Variants in CACNA1E observed in about 807,000 individuals in gnomAD.
CACNA1E encodes calcium voltage-gated channel subunit alpha1 E, also known as voltage-dependent R-type calcium channel subunit alpha-1E.
In CACNA1E, 40 loss-of-function variants were observed where a neutral mutation model predicts 259.2. The ratio of observed to expected loss-of-function variants is 0.15; its 90% CI spans 0.12 to 0.20. CACNA1E has a LOEUF of 0.20. Among genes scored for constraint, CACNA1E ranks in the 10% least tolerant of loss-of-function variants. The pLI is 1.00. For synonymous variants in CACNA1E, 1,104 were observed against 1,138.5 expected (o/e 0.97, Z 0.61); for missense variants, 1,874 against 3,040.1 (o/e 0.62, Z 9.02).
chr1:181,460,447 A>G (rs1026179346), intron 2 of CACNA1E, among the ~76,000 whole-genome samples: 1 of 152,230 alleles, frequency 6.6e-6, no homozygotes, highest in Non-Finnish European at 1.5e-5. Flanking sequence ...AACAGGACCC[A>G]CACCTTTGCA....
At chr1:181,633,078 G>A (rs370996194) in intron 6 of CACNA1E, among the ~76,000 whole-genome samples, 2 of 152,248 alleles carry the variant, frequency 1.3e-5, no homozygotes, top group East Asian at 3.9e-4. Context: ...GTCTTTCGAA[G>A]TGTGCTTTGG....
intron 3 of CACNA1E, among the ~76,000 whole-genome samples, chr1:181,515,986 G>C (rs932082952): frequency 6.6e-6 from 1 of 151,862 alleles, no homozygotes; most frequent in African/African-American, 2.4e-5. Flanking sequence ...CCTTGGCCTG[G>C]CTGAGCCAGG....
At chr1:181,471,673 G>C (rs558251596) in intron 2 of CACNA1E, among the ~76,000 whole-genome samples, 2 of 152,108 alleles carry the variant, frequency 1.3e-5, no homozygotes, top group African/African-American at 4.8e-5. Flanking sequence ...GCCAACTTCT[G>C]TGCGGCTCTT....
At chr1:181,493,315 C>A (rs1664474167) in intron 1 of CACNA1E, among the ~76,000 whole-genome samples, 3 of 152,142 alleles carry the variant, frequency 2.0e-5, no homozygotes, top group African/African-American at 4.8e-5. Flanking sequence ...TATGAAGGAA[C>A]TAGAGAGATA....
At chr1:181,741,784 G>T (rs775328834) in intron 25 of CACNA1E, among the ~76,000 whole-genome samples, 74 of 152,272 alleles carry the variant, frequency 4.9e-4, no homozygotes, top group Non-Finnish European at 7.4e-4. Context: ...GGCGCTGGTG[G>T]CAGGGGAAGC....
intron 3 of CACNA1E, among the ~76,000 whole-genome samples, chr1:181,548,253 T>A (rs1287980909): frequency 6.6e-6 from 1 of 151,630 alleles, no homozygotes; most frequent in Non-Finnish European, 1.5e-5. Context: ...ACCTCTTGAG[T>A]AGCTGGGATT....
At position 181,783,763 on chromosome 1, in the gene CACNA1E, C is replaced by T. The variant is rs779291189; in HGVS notation, c.5449C>T (p.Leu1817=). ...STLMALIRTA[L]DIKIAKGGAD... is the part of the protein sequence containing the mutation. ...ACTTATGGCTCTGATCCGGACAGCT[C>T]TGGACATTAAAATTGCCAAAGGTAA... Residue 1817 remains leucine (L), a synonymous_variant, in exon 40 of 48, where the codon CTG becomes TTG. Coordinates refer to ENST00000367573, the MANE Select transcript of CACNA1E (RefSeq NM_001205293.3). 1.2e-6 allele frequency: 2 copies of T among 1,602,610 alleles called. No homozygotes were observed. The highest frequency in any genetic ancestry group is 4.5e-5 in the East Asian group (2 of 44,472).
chr1:181,736,586 G>A (rs1266968465), intron 22 of CACNA1E, among the ~76,000 whole-genome samples, 152 bp downstream of exon 22: 1 of 152,204 alleles, frequency 6.6e-6, no homozygotes, highest in Non-Finnish European at 1.5e-5. Flanking sequence ...CATCTGGGGT[G>A]CCCCCTAAGT....
intron 3 of CACNA1E, among the ~76,000 whole-genome samples, chr1:181,541,811 G>T (rs571459453): frequency 6.6e-6 from 1 of 152,296 alleles, no homozygotes; most frequent in Non-Finnish European, 1.5e-5. Flanking sequence ...GACTGCCTGG[G>T]TTCAAATCTC....
intron 2 of CACNA1E, among the ~76,000 whole-genome samples, chr1:181,433,889 G>A (rs774250952): frequency 1.3e-5 from 2 of 152,288 alleles, no homozygotes; most frequent in East Asian, 3.9e-4. Flanking sequence ...CTTAGTATCT[G>A]CCCTGCTTCT....
At chr1:181,492,471 C>T (rs1664400313) in intron 1 of CACNA1E, among the ~76,000 whole-genome samples, 1 of 152,206 alleles carries the variant, frequency 6.6e-6, no homozygotes, top group South Asian at 2.1e-4. Context: ...TTCTAGAAAT[C>T]AGACCTTTTA....
At chr1:181,480,487 G>A (rs367695244), upstream of CACNA1E, among the ~76,000 whole-genome samples, 49 of 152,278 alleles carry the variant, frequency 3.2e-4, no homozygotes, top group South Asian at 3.3e-3. Flanking sequence ...GTGTGTCGTC[G>A]CATTTGCACA....
At chr1:181,631,616 G>A (rs980734608) in intron 6 of CACNA1E, among the ~76,000 whole-genome samples, 4 of 152,134 alleles carry the variant, frequency 2.6e-5, no homozygotes, top group African/African-American at 9.7e-5. Flanking sequence ...ATGGCTGGGT[G>A]GTGAGATAGG....
At chr1:181,624,007 C>T (rs541244333) in intron 6 of CACNA1E, among the ~76,000 whole-genome samples, 30 of 152,288 alleles carry the variant, frequency 2.0e-4, no homozygotes, top group South Asian at 6.2e-4. Context: ...ATGGCATTGG[C>T]GTCTGCCTCT....
Position 181,737,803 on chromosome 1 carries a change from T to G in CACNA1E, c.3552+149T>G, listed in dbSNP as rs538182453. On this transcript the variant is annotated intron_variant, in intron 23 of 47. Transcript: ENST00000367573. ...CACTCCTGTTCCTCAGGGCGAAGTA[T>G]GAACCATTCCCAGACAAGCCCCTTC... is the stretch of plus-strand genomic sequence containing the variant. 3.3e-5 allele frequency: 37 copies of G among 1,108,152 alleles called. No homozygotes were observed. The South Asian group carries it at 5.3e-4, about 16-fold the overall frequency. 68.6% of individuals were successfully genotyped at this position (1,108,152 alleles called of 1,614,324 possible). A position where few individuals can be genotyped will look rare whatever the true frequency, so the allele number is the denominator to read the frequency against.
At chr1:181,458,534 G>A (rs1661602688) in intron 2 of CACNA1E, among the ~76,000 whole-genome samples, 1 of 152,238 alleles carries the variant, frequency 6.6e-6, no homozygotes, top group Non-Finnish European at 1.5e-5. Flanking sequence ...CACTTAGAAA[G>A]AGAAAAGAAG....
intron 2 of CACNA1E, among the ~76,000 whole-genome samples, chr1:181,463,015 A>G (rs1661922997): frequency 6.6e-6 from 1 of 152,184 alleles, no homozygotes; most frequent in African/African-American, 2.4e-5. Context: ...GATACCTAAA[A>G]GTGGAATTGC....
intron 1 of CACNA1E, 81 bp downstream of exon 1, chr1:181,484,091 TC>T: frequency 2.2e-6 from 3 of 1,370,048 alleles, no homozygotes; most frequent in East Asian, 2.3e-5. Context: ...ATGGAATGTA[TC>T]CCCCACCCCT....
chr1:181,372,101 A>AT (rs1557949727), intron 1 of CACNA1E, among the ~76,000 whole-genome samples: 1 of 152,174 alleles, frequency 6.6e-6, no homozygotes, highest in African/African-American at 2.4e-5. Context: ...TTCCATATGA[A>AT]TTTTAGAATA....
Sources: gnomAD v4.1 joint callset for allele counts (sites outside exome capture counted in the v4.1 genomes callset) on GRCh38, gnomAD v4.1.1 for gene constraint, MANE v1.5 for transcripts, NCBI Gene and HGNC (gene_info 2026-07-23, HGNC 2026-07-21) for gene names.